DGKH: variants seen among roughly 807,000 people sequenced by gnomAD.
The protein encoded by DGKH is DAG kinase eta.
DGKH carries 90 observed loss-of-function variants against 159.3 expected under a neutral mutation model. That is an observed-to-expected ratio of 0.57 (90% CI 0.48 to 0.67). The LOEUF is 0.67. Ranked by LOEUF, DGKH falls within the 30% of genes least tolerant of loss-of-function variation. DGKH has a pLI of 0.00. For synonymous variants in DGKH, 536 were observed against 553.8 expected, an observed-to-expected ratio of 0.97 and a Z score of 0.45; for missense variants, 1,181 against 1,506.1, an observed-to-expected ratio of 0.78 and a Z score of 3.57.
At chr13:42,127,218 A>G (rs1425511036) in intron 1 of DGKH, among the ~76,000 whole-genome samples, 1 of 152,176 alleles carries the variant, frequency 6.6e-6, no homozygotes, top group Non-Finnish European at 1.5e-5. Context: ...GTATTAGTGT[A>G]TGTGCATGTG....
At chr13:42,131,226 A>C (rs1955282638) in intron 3 of DGKH, among the ~76,000 whole-genome samples, 1 of 152,192 alleles carries the variant, frequency 6.6e-6, no homozygotes, top group Non-Finnish European at 1.5e-5. Flanking sequence ...AGCTAGTAAA[A>C]TGTTTCATCC....
intron 1 of DGKH, among the ~76,000 whole-genome samples, chr13:42,113,382 G>A (rs1954904436): frequency 6.6e-6 from 1 of 152,094 alleles, no homozygotes; most frequent in African/African-American, 2.4e-5. Flanking sequence ...TAAACCAATT[G>A]AATCAAAGTG....
At chr13:42,052,979 T>C (rs1881431341) in intron 1 of DGKH, among the ~76,000 whole-genome samples, 1 of 152,218 alleles carries the variant, frequency 6.6e-6, no homozygotes, top group Non-Finnish European at 1.5e-5. Context: ...TGGCCACAAA[T>C]GAGTCTCTAA....
chr13:42,168,485 T>A lies in DGKH; in HGVS notation c.1164T>A (p.Cys388Ter). ...TTGACAATTTCCGGATTCTTGTTTG[T>A]GGAGGCGATGGAAGTGTAGGTTGGG... ...QKFDNFRILV[C>*]GGDGSVGWVL... The change falls in exon 10 of 30, where the codon TGT becomes TGA. Residue 388 changes from cysteine (C) to a stop codon, truncating the protein, a stop_gained. Coordinates refer to ENST00000337343, the MANE Select transcript of DGKH (RefSeq NM_178009.5). LOFTEE classifies it high-confidence loss of function. 6.2e-7 allele frequency: 1 copy of A among 1,614,206 alleles called. No homozygotes were observed. The highest frequency in any genetic ancestry group is 8.5e-7 in the Non-Finnish European group (1 of 1,180,012).
In DGKH at chr13:42,237,395, T is replaced by TG. The variant is rs200586559; in HGVS notation, c.*8212dup. On this transcript the variant is annotated 3_prime_UTR_variant, in exon 30 of 30. Transcript: ENST00000337343. Reference sequence around the variant, plus strand: ...CTGTTGCACAAGCAGTTATTGGAAGTGGGGGAAAAAAAGAAAACTGGTGAG... The same window carrying TG: ...CTGTTGCACAAGCAGTTATTGGAAGTGGGGGGAAAAAAAGAAAACTGGTGAG... 8.4e-6 allele frequency: 1 copy of TG among 119,598 alleles called. No homozygotes were observed. Among genetic ancestry groups the TG allele is most frequent in the Admixed American group, 8.4e-5 (1 of 11,846 alleles). The allele number at this position is 119,598 out of a possible 1,614,324, so 7.4% of individuals were successfully genotyped here.
intron 13 of DGKH, among the ~76,000 whole-genome samples, chr13:42,183,398 T>C (rs1438345317): frequency 1.3e-5 from 2 of 152,072 alleles, no homozygotes; most frequent in Non-Finnish European, 2.9e-5. Flanking sequence ...CACAACTCAA[T>C]GATTAAAAAA....
In DGKH at chr13:42,048,989, A is replaced by G; in HGVS notation, c.192+24A>G. 1 of 1,260,656 alleles carries G rather than the reference A, an allele frequency of 7.9e-7. No homozygotes were observed. The highest frequency in any genetic ancestry group is 2.2e-4 in the Middle Eastern group (1 of 4,448). 78.1% of individuals were successfully genotyped at this position (1,260,656 alleles called of 1,614,324 possible). ...AGGTAGGGCGGAGGAGGCGGGCCTGAGGGCCGCGTGGAAAGCGGGAGGTGG... is the reference window on the plus strand; with the variant it reads ...AGGTAGGGCGGAGGAGGCGGGCCTGGGGGCCGCGTGGAAAGCGGGAGGTGG... On this transcript the variant is annotated intron_variant, in intron 1 of 29. Coordinates refer to ENST00000337343, the MANE Select transcript of DGKH (RefSeq NM_178009.5). The surrounding 1 kb of genome is among the most constrained non-coding windows in gnomAD (Gnocchi z 6.7).
chr13:42,144,417 T>C (rs1394038732), intron 3 of DGKH, among the ~76,000 whole-genome samples: 3 of 152,118 alleles, frequency 2.0e-5, no homozygotes, highest in African/African-American at 7.2e-5. Context: ...CCAGACCCGG[T>C]GGCTCACGCC....
intron 3 of DGKH, among the ~76,000 whole-genome samples, chr13:42,153,327 A>G (rs1008948151): frequency 6.6e-6 from 1 of 152,200 alleles, no homozygotes; most frequent in Non-Finnish European, 1.5e-5. Context: ...CATTTAATGT[A>G]AAGGCACTAA....
At chr13:42,221,235 TA>T in intron 28 of DGKH, 28 bp from the exon 29 acceptor site, 4 of 1,611,606 alleles carry the variant, frequency 2.5e-6, no homozygotes, top group Non-Finnish European at 3.4e-6. Context: ...ATGTAGAAAT[TA>T]AGGGGGTTTT....
chr13:42,067,136 A>G (rs759966003), intron 1 of DGKH, among the ~76,000 whole-genome samples: 1 of 152,288 alleles, frequency 6.6e-6, no homozygotes, highest in African/African-American at 2.4e-5. Flanking sequence ...AGTATTTCCC[A>G]TAGGGTCAGT....
At chr13:42,070,928 G>GATTGGTAAGGACAATTTTCTGGGT in intron 1 of DGKH, 2 of 1,280,594 alleles carry the variant, frequency 1.6e-6, no homozygotes, top group Non-Finnish European at 2.3e-6. Context: ...ACACTCTGGG[G>GATTGGTAAGGACAATTTTCTGGGT]ATTGGTAAGG....
intron 1 of DGKH, among the ~76,000 whole-genome samples, chr13:42,079,195 C>G (rs921194357): frequency 6.6e-6 from 1 of 151,940 alleles, no homozygotes; most frequent in African/African-American, 2.4e-5. Context: ...GGATTACAGG[C>G]GTGAGCCACC....
In DGKH at chr13:42,048,684, G is replaced by C; in HGVS notation, c.-90G>C. On this transcript the variant is annotated 5_prime_UTR_variant, in exon 1 of 30. Transcript: ENST00000337343. This position sits in a 1 kb window ranked among gnomAD's most constrained non-coding sequence, Gnocchi z 6.7. ...GATGGCGGCGGCGGCCGGGCACGGGGTTCCGGGCTCCGCTCGGGCAGAGCC... is the reference window on the plus strand; with the variant it reads ...GATGGCGGCGGCGGCCGGGCACGGGCTTCCGGGCTCCGCTCGGGCAGAGCC... The C allele has an allele frequency of 8.2e-7, 1 of 1,216,296 alleles. No homozygotes were observed. The highest frequency in any genetic ancestry group is 1.0e-6 in the Non-Finnish European group (1 of 974,346). The allele number at this position is 1,216,296 out of a possible 1,614,324, so 75.3% of individuals were successfully genotyped here. A position where few individuals can be genotyped will look rare whatever the true frequency, so the allele number is the denominator to read the frequency against.
chr13:42,059,706 C>A, intron 1 of DGKH, among the ~76,000 whole-genome samples: 1 of 152,070 alleles, frequency 6.6e-6, no homozygotes, highest in East Asian at 1.9e-4. Context: ...TGCCCTTCTT[C>A]AGCTTCTATT....
chr13:42,040,963 C>T (rs1364315497), intron 1 of DGKH, among the ~76,000 whole-genome samples: 1 of 151,186 alleles, frequency 6.6e-6, no homozygotes, highest in East Asian at 2.0e-4. Context: ...CGCCCGCGCC[C>T]ACCCCCTCCC....
In DGKH at chr13:42,242,497, A is replaced by G. The variant is rs1958533030; in HGVS notation, c.*13309A>G. ...ACTTTGGCTCTAATTACTTTTAGTA[A>G]TGGTAAGACAACGTGAGTTTTGTTT... On this transcript the variant is annotated 3_prime_UTR_variant, in exon 30 of 30. Transcript: ENST00000337343. The G allele has an allele frequency of 1.3e-5, 2 of 152,234 alleles. No individual in the cohort carries two copies. Among genetic ancestry groups the G allele is most frequent in the Admixed American group, 1.3e-4 (2 of 15,284 alleles). The allele number at this position is 152,234 out of a possible 1,614,324, so 9.4% of individuals were successfully genotyped here. A position where few individuals can be genotyped will look rare whatever the true frequency, so the allele number is the denominator to read the frequency against.
At chr13:42,223,885 A>T (rs1958050484) in intron 29 of DGKH, among the ~76,000 whole-genome samples, 1 of 152,004 alleles carries the variant, frequency 6.6e-6, no homozygotes, top group Admixed American at 6.6e-5. Flanking sequence ...GCAATTTCTT[A>T]TCCACTCCCT....
chr13:42,040,456 CAG>C (rs911250287), intron 1 of DGKH, among the ~76,000 whole-genome samples: 17 of 151,800 alleles, frequency 1.1e-4, no homozygotes, highest in South Asian at 8.3e-4. Flanking sequence ...TAAGGCCTGA[CAG>C]GGGGGTCACG....
Sources: gnomAD v4.1 joint callset for allele counts (sites outside exome capture counted in the v4.1 genomes callset) on GRCh38, gnomAD v4.1.1 for gene constraint, Gnocchi (gnomAD v3.1) non-coding constraint, MANE v1.5 for transcripts, NCBI Gene and HGNC (gene_info 2026-07-23, HGNC 2026-07-21) for gene names.